TAFA5: variants seen among roughly 807,000 people sequenced by gnomAD.
TAFA5 encodes chemokine-like protein TAFA-5.
A neutral mutation model predicts 15.3 loss-of-function variants in TAFA5; 6 were observed. That is an observed-to-expected ratio of 0.39 (90% CI 0.21 to 0.77). The LOEUF (loss-of-function observed/expected upper bound fraction) is 0.77. TAFA5 is among the 30% of genes least tolerant of loss of function. TAFA5 has a pLI of 0.41. For missense variants in TAFA5, 161 were observed against 193.1 expected (o/e 0.83, Z 0.98); for synonymous variants, 103 against 80.7 (o/e 1.28, Z -1.48).
At position 48,642,669 on chromosome 22, in the gene TAFA5, G is replaced by C. The variant is rs141275833; in HGVS notation, c.113-3928G>C. On this transcript the variant is annotated intron_variant, in intron 1 of 3. Coordinates refer to ENST00000402357, the MANE Select transcript of TAFA5 (RefSeq NM_001082967.3). ...GTGTGTGTGACTGTGTGGTCTGTGT[G>C]TGTGGAGTATGTGGTGTGTGGCCTG... Among the ~76,000 whole-genome samples, 557 of 152,308 alleles carry C rather than the reference G, an allele frequency of 3.7e-3. 1 individual carries two copies. The highest frequency in any genetic ancestry group is 0.013 in the African/African-American group (536 of 41,554).
chr22:48,709,587 C>T (rs1224170633), intron 3 of TAFA5, among the ~76,000 whole-genome samples: 1 of 152,202 alleles, frequency 6.6e-6, no homozygotes, highest in Non-Finnish European at 1.5e-5. Context: ...CACTCTGGGT[C>T]CCAGCTTCCA....
At chr22:48,704,689 A>G (rs1172989141) in intron 2 of TAFA5, among the ~76,000 whole-genome samples, 1 of 150,928 alleles carries the variant, frequency 6.6e-6, no homozygotes, top group Non-Finnish European at 1.5e-5. Flanking sequence ...GGAGGGAGAC[A>G]CTGATTCTCA....
chr22:48,492,267 G>C (rs1425705095), intron 1 of TAFA5, among the ~76,000 whole-genome samples: 1 of 152,128 alleles, frequency 6.6e-6, no homozygotes, highest in African/African-American at 2.4e-5. Context: ...TTTGTCATCA[G>C]TAAGGATTTT....
At chr22:48,654,428 T>G (rs144729535) in intron 2 of TAFA5, among the ~76,000 whole-genome samples, 6 of 152,312 alleles carry the variant, frequency 3.9e-5, no homozygotes, top group African/African-American at 1.4e-4. Context: ...CTCGTGCTCC[T>G]GCCTTGAACC....
At chr22:48,511,361 TTCCTCC>T (rs569747187) in intron 1 of TAFA5, among the ~76,000 whole-genome samples, 4 of 151,686 alleles carry the variant, frequency 2.6e-5, no homozygotes, top group Non-Finnish European at 4.4e-5. Flanking sequence ...TTCCCAGAGC[TTCCTCC>T]TCCTCCTCCT....
At chr22:48,671,001 G>A (rs538718712) in intron 2 of TAFA5, among the ~76,000 whole-genome samples, 72 of 152,336 alleles carry the variant, frequency 4.7e-4, no homozygotes, top group East Asian at 1.2e-3. Flanking sequence ...CCAGAGGGAA[G>A]CGTCACCCAC....
At chr22:48,589,485 T>C (rs1233519988) in intron 1 of TAFA5, among the ~76,000 whole-genome samples, 3 of 142,684 alleles carry the variant, frequency 2.1e-5, no homozygotes, top group Non-Finnish European at 3.0e-5. Flanking sequence ...AACCCAGGGT[T>C]GGTTGGAGGT....
intron 1 of TAFA5, chr22:48,576,480 G>A (rs1226272597): frequency 6.8e-7 from 1 of 1,464,170 alleles, no homozygotes; most frequent in Admixed American, 2.1e-5. Context: ...GGGACTCCGC[G>A]ATGCAGCTCC....
At position 48,553,319 on chromosome 22, in the gene TAFA5, GC is replaced by G. The variant is rs545260776; in HGVS notation, c.112+63620del. On this transcript the variant is annotated intron_variant, in intron 1 of 3. Transcript: ENST00000402357. ...ACAGTGGTTCCTGTGCCCTCCATGTGCCCCCACAGACACGGGTCGGTCTCAG... is the reference window on the plus strand; with the variant it reads ...ACAGTGGTTCCTGTGCCCTCCATGTGCCCCACAGACACGGGTCGGTCTCAG... Among the ~76,000 whole-genome samples the G allele has an allele frequency of 2.9e-4, 44 of 152,246 alleles. No individual in the cohort carries two copies. The East Asian group carries it at 8.2e-3, about 28-fold the overall frequency.
chr22:48,574,687 C>T (rs747349688), intron 1 of TAFA5, among the ~76,000 whole-genome samples: 5 of 152,164 alleles, frequency 3.3e-5, no homozygotes, highest in African/African-American at 9.7e-5. Flanking sequence ...CCGATTCCTG[C>T]CCACTGCTCT....
chr22:48,637,641 C>T (rs962963209), intron 1 of TAFA5, among the ~76,000 whole-genome samples: 3 of 152,236 alleles, frequency 2.0e-5, no homozygotes, highest in South Asian at 2.1e-4. Context: ...AATGAAATCC[C>T]GCACCCTCGC....
chr22:48,664,971 C>T (rs1013345471), intron 2 of TAFA5, among the ~76,000 whole-genome samples: 20 of 152,284 alleles, frequency 1.3e-4, no homozygotes, highest in African/African-American at 4.6e-4. Context: ...AGTGGCAGGG[C>T]TGTGACCTAG....
At chr22:48,644,208 CA>C (rs1018612295) in intron 1 of TAFA5, among the ~76,000 whole-genome samples, 2 of 152,330 alleles carry the variant, frequency 1.3e-5, no homozygotes, top group African/African-American at 4.8e-5. Context: ...TCCCGCCCCA[CA>C]GCCTTCGGGG....
intron 1 of TAFA5, among the ~76,000 whole-genome samples, chr22:48,561,186 C>T (rs1417116909): frequency 6.6e-6 from 1 of 152,136 alleles, no homozygotes; most frequent in African/African-American, 2.4e-5. Flanking sequence ...CATCCCACAT[C>T]TCGGATCCAC....
intron 1 of TAFA5, among the ~76,000 whole-genome samples, chr22:48,642,114 C>G (rs1369246118): frequency 2.6e-5 from 4 of 151,866 alleles, no homozygotes; most frequent in African/African-American, 9.7e-5. Context: ...GGGGCCTGTG[C>G]TTTGCTGAGT....
intron 1 of TAFA5, among the ~76,000 whole-genome samples, chr22:48,518,610 C>T (rs752390519): frequency 3.3e-5 from 5 of 152,216 alleles, no homozygotes; most frequent in Non-Finnish European, 4.4e-5. Context: ...TCTTACCCTC[C>T]AGCCTGGGAG....
intron 3 of TAFA5, among the ~76,000 whole-genome samples, chr22:48,731,816 A>G (rs1929877668): frequency 6.6e-6 from 1 of 152,208 alleles, no homozygotes; most frequent in African/African-American, 2.4e-5. Flanking sequence ...TGCTAACACA[A>G]CATCCATTCT....
chr22:48,550,773 C>A lies in TAFA5; in HGVS notation c.112+61069C>A, dbSNP rs565611387. Among the ~76,000 whole-genome samples, 156 of 152,194 alleles carry A rather than the reference C, an allele frequency of 1.0e-3. No homozygotes were observed. The highest frequency in any genetic ancestry group is 1.9e-3 in the Non-Finnish European group (132 of 68,004). On this transcript the variant is annotated intron_variant, in intron 1 of 3. Transcript: ENST00000402357. The surrounding 1 kb of genome is among the most constrained non-coding windows in gnomAD (Gnocchi z 4.1). ...CTACTCTGATCCACGGGTGTCTGGG[C>A]TCCAGAAAGCTTTCTCTGACCTTCT...
rs565967326 is a variant in TAFA5 at position 48,552,580 on chromosome 22, A to G, written c.112+62876A>G. On this transcript the variant is annotated intron_variant, in intron 1 of 3. Coordinates refer to ENST00000402357, the MANE Select transcript of TAFA5 (RefSeq NM_001082967.3). The surrounding 1 kb of genome is among the most constrained non-coding windows in gnomAD (Gnocchi z 4.1). The stretch of plus-strand genomic sequence containing the variant: ...CCCACGCCCATGCCCAGCTCTGCCT[A>G]AATGGATCGATCATCTAGAACCCCC... 1.3e-5 allele frequency among the ~76,000 whole-genome samples: 2 copies of G among 152,144 alleles called. No individual in the cohort carries two copies. The highest frequency in any genetic ancestry group is 2.4e-5 in the African/African-American group (1 of 41,502).
Sources: gnomAD v4.1 joint callset for allele counts (sites outside exome capture counted in the v4.1 genomes callset) on GRCh38, gnomAD v4.1.1 for gene constraint, Gnocchi (gnomAD v3.1) non-coding constraint, MANE v1.5 for transcripts, NCBI Gene and HGNC (gene_info 2026-07-23, HGNC 2026-07-21) for gene names.